RBM20: variants seen among roughly 807,000 people sequenced by gnomAD.
The protein encoded by RBM20 is RNA binding motif protein 20.
Under a neutral mutation model 110.1 loss-of-function variants are expected in RBM20, and 51 were observed. That is an observed-to-expected ratio of 0.46 (90% confidence interval 0.37 to 0.59). RBM20 has a LOEUF of 0.59. Ranked by LOEUF, RBM20 falls within the 20% of genes least tolerant of loss-of-function variation. RBM20 has a pLI of 0.00. For synonymous variants in RBM20, 589 were observed against 618.2 expected, an observed-to-expected ratio of 0.95 and a Z score of 0.70; for missense variants, 1,512 against 1,574.9, an observed-to-expected ratio of 0.96 and a Z score of 0.68.
intron 7 of RBM20, among the ~76,000 whole-genome samples, chr10:110,803,723 T>A (rs1449956650): frequency 1.4e-5 from 2 of 144,766 alleles, no homozygotes; most frequent in South Asian, 2.1e-4. Context: ...TAGTAATGCA[T>A]GCTTTATGGT....
chr10:110,796,608 G>A (rs1844553713), intron 5 of RBM20, among the ~76,000 whole-genome samples: 1 of 152,130 alleles, frequency 6.6e-6, no homozygotes, highest in South Asian at 2.1e-4. Context: ...AAATCAGCTG[G>A]GTGTGATGGC....
intron 11 of RBM20, among the ~76,000 whole-genome samples, chr10:110,822,964 C>A (rs1255280892): frequency 6.6e-6 from 1 of 152,166 alleles, no homozygotes; most frequent in Non-Finnish European, 1.5e-5. Context: ...TCCAATCAAG[C>A]CCCTTTTATT....
At chr10:110,720,966 G>A (rs567100425) in intron 1 of RBM20, among the ~76,000 whole-genome samples, 2 of 152,262 alleles carry the variant, frequency 1.3e-5, no homozygotes, top group Non-Finnish European at 2.9e-5. Context: ...TCTCTCACTG[G>A]CTACCTTGCT....
At chr10:110,769,215 G>A (rs1273843715) in intron 1 of RBM20, among the ~76,000 whole-genome samples, 2 of 152,188 alleles carry the variant, frequency 1.3e-5, no homozygotes, top group Non-Finnish European at 2.9e-5. Flanking sequence ...GTGCCACCAA[G>A]TTTGAGATCT....
intron 1 of RBM20, among the ~76,000 whole-genome samples, chr10:110,712,126 T>G (rs770898416): frequency 2.0e-5 from 3 of 152,250 alleles, no homozygotes; most frequent in Non-Finnish European, 2.9e-5. Context: ...ATTAAGATCA[T>G]GTTTTATATT....
chr10:110,781,450 G>C lies in RBM20; in HGVS notation c.841G>C (p.Asp281His). ...GQDGQAAFSKDFYGPNSQGSH... is the reference protein window; with the variant it reads ...GQDGQAAFSKHFYGPNSQGSH... ...GGATGGTCAAGCTGCCTTTTCCAAA[G>C]ATTTTTACGGACCCAACTCCCAAGG... Residue 281 changes from aspartate (D) to histidine (H), a missense_variant, in exon 2 of 14, where the codon GAT (aspartate) becomes CAT (histidine). By Grantham distance (81) the Asp-to-His change is moderately conservative (BLOSUM62 -1). Around this residue, in one of 3 missense-constraint regions of RBM20, gnomAD observed 1,149 missense variants for 1,169.4 expected, o/e 0.98. Transcript: ENST00000369519. 6.4e-7 allele frequency: 1 copy of C among 1,551,578 alleles called. No individual in the cohort carries two copies. The highest frequency in any genetic ancestry group is 8.7e-7 in the Non-Finnish European group (1 of 1,147,012).
chr10:110,812,640 C>T lies in RBM20; in HGVS notation c.2243C>T (p.Ser748Phe). ...PRSGSPNLPHSVSSYKSREDG... is the reference protein window; with the variant it reads ...PRSGSPNLPHFVSSYKSREDG... ...TCTGGGTCTCCCAACCTGCCCCACT[C>T]TGTGTCCAGCTACAAAAGCCGTGAA... Residue 748 changes from serine to phenylalanine, a missense_variant, in exon 9 of 14, where the codon TCT becomes TTT. Physicochemically the swap from Ser to Phe is radical, Grantham distance 155. Coordinates refer to ENST00000369519, the MANE Select transcript of RBM20 (RefSeq NM_001134363.3). The T allele has an allele frequency of 3.2e-6, 5 of 1,551,708 alleles. No homozygotes were observed. The highest frequency in any genetic ancestry group is 3.5e-6 in the Non-Finnish European group (4 of 1,147,006).
chr10:110,776,744 T>C (rs558407037), intron 1 of RBM20, among the ~76,000 whole-genome samples: 22 of 152,372 alleles, frequency 1.4e-4, no homozygotes, highest in South Asian at 1.0e-3. Flanking sequence ...CCATGTAAGA[T>C]AACATATTCA....
chr10:110,810,485 T>A (rs11195338), intron 8 of RBM20, 23 bp downstream of exon 8: 1 of 1,532,434 alleles, frequency 6.5e-7, no homozygotes, highest in Non-Finnish European at 8.9e-7. Context: ...GCCCCAAGTC[T>A]CCAGGCAGGT....
At chr10:110,830,307 G>A (rs1053980223) in intron 12 of RBM20, among the ~76,000 whole-genome samples, 1 of 152,192 alleles carries the variant, frequency 6.6e-6, no homozygotes, top group African/African-American at 2.4e-5. Context: ...CTCTGGCGGT[G>A]GTGCCAGTTG....
chr10:110,817,802 A>G (rs1019915157), intron 9 of RBM20, among the ~76,000 whole-genome samples: 6 of 152,224 alleles, frequency 3.9e-5, no homozygotes, highest in Non-Finnish European at 1.5e-5. Flanking sequence ...AGCAGCATGC[A>G]CAAGGGCCTC....
At chr10:110,686,178 C>T (rs187852123) in intron 1 of RBM20, among the ~76,000 whole-genome samples, 3 of 152,298 alleles carry the variant, frequency 2.0e-5, no homozygotes, top group Admixed American at 1.3e-4. Flanking sequence ...ATGACAATGT[C>T]GTCATGACTC....
rs1418674149 is a variant in RBM20 at position 110,781,379 on chromosome 10, C to A, written c.770C>A (p.Thr257Asn). Residue 257 changes from threonine to asparagine, a missense_variant, in exon 2 of 14, where the codon ACC becomes AAC. Thr to Asn is a moderately conservative substitution (Grantham distance 65). Transcript: ENST00000369519. ...GGCTTCCTGCCATCCTCGGCCTCAA[C>A]CTCGGGCAGTGTGACCTATGAAGGG... Reference protein sequence around the residue: ...QPGFLPSSASTSGSVTYEGHY... With the variant: ...QPGFLPSSASNSGSVTYEGHY... 6.4e-7 allele frequency: 1 copy of A among 1,551,722 alleles called. No individual in the cohort carries two copies. The highest frequency in any genetic ancestry group is 1.2e-5 in the South Asian group (1 of 84,066).
At chr10:110,699,929 G>A (rs969456924) in intron 1 of RBM20, among the ~76,000 whole-genome samples, 3 of 152,232 alleles carry the variant, frequency 2.0e-5, no homozygotes, top group Non-Finnish European at 4.4e-5. Flanking sequence ...AATGACTTGC[G>A]GGTGGGAAGT....
intron 7 of RBM20, among the ~76,000 whole-genome samples, chr10:110,807,461 G>A (rs1366855190): frequency 2.0e-5 from 3 of 152,218 alleles, no homozygotes; most frequent in East Asian, 3.8e-4. Flanking sequence ...TGATCAGCCC[G>A]CTCTGCCCCT....
chr10:110,718,779 T>C (rs1311469800), intron 1 of RBM20, among the ~76,000 whole-genome samples: 2 of 151,852 alleles, frequency 1.3e-5, no homozygotes, highest in Non-Finnish European at 2.9e-5. Context: ...GCCCGGCTAA[T>C]TTTTGAATTT....
intron 3 of RBM20, among the ~76,000 whole-genome samples, chr10:110,784,116 T>C (rs542876542): frequency 6.6e-6 from 1 of 152,266 alleles, no homozygotes; most frequent in African/African-American, 2.4e-5. Flanking sequence ...TGCATGTATA[T>C]ATCACATTCT....
chr10:110,652,929 G>A (rs1022896051), intron 1 of RBM20, among the ~76,000 whole-genome samples: 4 of 152,114 alleles, frequency 2.6e-5, no homozygotes, highest in Non-Finnish European at 4.4e-5. Context: ...ACCCACACGG[G>A]ACTTTTATGG....
In RBM20 at chr10:110,836,513, T is replaced by C. The variant is rs961363784; in HGVS notation, c.*535T>C. On this transcript the variant is annotated 3_prime_UTR_variant, in exon 14 of 14. Transcript: ENST00000369519. Reference sequence around the variant, plus strand: ...AGGAGCTGAGTCAGGTCTGCAGTCCTGGTGAGGGGACATCACGGACAATCT... The same window carrying C: ...AGGAGCTGAGTCAGGTCTGCAGTCCCGGTGAGGGGACATCACGGACAATCT... The C allele has an allele frequency of 6.6e-6, 1 of 152,370 alleles. No homozygotes were observed. The highest frequency in any genetic ancestry group is 2.1e-4 in the South Asian group (1 of 4,822). 9.4% of individuals were successfully genotyped at this position (152,370 alleles called of 1,614,324 possible).
Sources: allele counts gnomAD v4.1 joint callset (sites outside exome capture counted in the v4.1 genomes callset), GRCh38; gene constraint gnomAD v4.1.1; regional missense constraint gnomAD v4.1.1; transcripts MANE v1.5; gene names NCBI Gene and HGNC (gene_info 2026-07-23, HGNC 2026-07-21).